Variants in ADARB2 observed in about 807,000 individuals in gnomAD.
ADARB2 encodes inactive double-stranded RNA-specific editase B2.
In ADARB2, 25 loss-of-function variants were observed where a neutral mutation model predicts 62.2. The ratio of observed to expected loss-of-function variants is 0.40; its 90% CI spans 0.29 to 0.56. The LOEUF (loss-of-function observed/expected upper bound fraction) is 0.56. Among genes scored for constraint, ADARB2 ranks in the 20% least tolerant of loss-of-function variants. The probability of loss-of-function intolerance (pLI) is 0.43; values close to 1 mark genes in which losing one functional copy is unlikely to be tolerated. For missense variants in ADARB2, 1,071 were observed against 1,077.4 expected, an observed-to-expected ratio of 0.99 and a Z score of 0.08; for synonymous variants, 572 against 500.8, an observed-to-expected ratio of 1.14 and a Z score of -1.90.
At chr10:1,209,528 T>C (rs1428960138) in intron 7 of ADARB2, among the ~76,000 whole-genome samples, 2 of 101,376 alleles carry the variant, frequency 2.0e-5, no homozygotes, top group South Asian at 7.8e-4. Flanking sequence ...TGCCCACACC[T>C]ACAGCCTCGC....
At chr10:1,212,958 C>G (rs1256989562) in intron 7 of ADARB2, among the ~76,000 whole-genome samples, 1 of 152,244 alleles carries the variant, frequency 6.6e-6, no homozygotes, top group Admixed American at 6.5e-5. Flanking sequence ...GTACCTGGAA[C>G]TGAACCCCTG....
intron 5 of ADARB2, among the ~76,000 whole-genome samples, chr10:1,234,963 T>A (rs1174021237): frequency 6.6e-6 from 1 of 152,084 alleles, no homozygotes; most frequent in Non-Finnish European, 1.5e-5. Context: ...GCCAGGCTGG[T>A]TTTGAACTCC....
At chr10:1,279,892 C>T (rs1428830007) in intron 3 of ADARB2, among the ~76,000 whole-genome samples, 2 of 152,186 alleles carry the variant, frequency 1.3e-5, no homozygotes, top group East Asian at 3.9e-4. Context: ...CGAGTCCCAC[C>T]CATTCCTGAT....
At chr10:1,670,193 A>T (rs2119100203) in intron 1 of ADARB2, among the ~76,000 whole-genome samples, 1 of 152,372 alleles carries the variant, frequency 6.6e-6, no homozygotes, top group East Asian at 1.9e-4. Flanking sequence ...TCCTTCTGTT[A>T]GCAGCCAATA....
At chr10:1,591,499 C>G in intron 1 of ADARB2, among the ~76,000 whole-genome samples, 1 of 152,150 alleles carries the variant, frequency 6.6e-6, no homozygotes, top group East Asian at 1.9e-4. Flanking sequence ...CATGGGAGCC[C>G]CTGAGTTCAT....
chr10:1,292,185 A>G (rs1274185591), intron 3 of ADARB2: 1 of 152,340 alleles, frequency 6.6e-6, no homozygotes, highest in Non-Finnish European at 1.5e-5. Context: ...GCTGGTCTCG[A>G]ACTCCTTGGC....
intron 1 of ADARB2, among the ~76,000 whole-genome samples, chr10:1,396,940 G>T (rs1193623429): frequency 4.6e-5 from 5 of 108,806 alleles, no homozygotes; most frequent in South Asian, 3.4e-4. Context: ...GTCACCGTCC[G>T]TCTCTCCCCT....
chr10:1,316,984 C>G (rs773471434), intron 3 of ADARB2, among the ~76,000 whole-genome samples: 1 of 152,230 alleles, frequency 6.6e-6, no homozygotes, highest in African/African-American at 2.4e-5. Flanking sequence ...AAGCCCCGGT[C>G]TAAGATCTGG....
At chr10:1,525,148 G>A (rs1054169799) in intron 1 of ADARB2, among the ~76,000 whole-genome samples, 7 of 152,044 alleles carry the variant, frequency 4.6e-5, no homozygotes, top group Non-Finnish European at 7.4e-5. Flanking sequence ...ACTAATAGCT[G>A]TAAAAAAAGG....
At chr10:1,598,057 G>C (rs1833356438) in intron 1 of ADARB2, among the ~76,000 whole-genome samples, 1 of 152,214 alleles carries the variant, frequency 6.6e-6, no homozygotes, top group Admixed American at 6.5e-5. Flanking sequence ...TTGTAAGTAA[G>C]AGCTAAACAG....
chr10:1,319,376 G>C (rs762086525), intron 3 of ADARB2, among the ~76,000 whole-genome samples: 2 of 152,160 alleles, frequency 1.3e-5, no homozygotes, highest in African/African-American at 2.4e-5. Context: ...GGGGTGGGTG[G>C]AGAAGATCTT....
intron 1 of ADARB2, among the ~76,000 whole-genome samples, chr10:1,718,539 G>C (rs1420904176): frequency 6.6e-6 from 1 of 152,222 alleles, no homozygotes; most frequent in Non-Finnish European, 1.5e-5. Context: ...TGCAAATGCT[G>C]GGCTGTCCTG....
chr10:1,569,091 A>G (rs960608699), intron 1 of ADARB2, among the ~76,000 whole-genome samples: 4 of 151,896 alleles, frequency 2.6e-5, no homozygotes, highest in South Asian at 4.2e-4. Flanking sequence ...ACAGAGACAG[A>G]CAGAGAGAGA....
chr10:1,337,088 G>GTGTGTA (rs1312432410), intron 3 of ADARB2, among the ~76,000 whole-genome samples: 2 of 151,790 alleles, frequency 1.3e-5, no homozygotes, highest in African/African-American at 4.8e-5. Context: ...GTGTGTGTGT[G>GTGTGTA]TGTGTTTTAG....
At chr10:1,269,694 A>T (rs1028532576) in intron 4 of ADARB2, among the ~76,000 whole-genome samples, 3 of 152,034 alleles carry the variant, frequency 2.0e-5, no homozygotes, top group Admixed American at 2.0e-4. Flanking sequence ...CCTCAGTGAG[A>T]CTGCTGTACC....
chr10:1,502,849 T>C (rs1831783341), intron 1 of ADARB2, among the ~76,000 whole-genome samples: 1 of 152,260 alleles, frequency 6.6e-6, no homozygotes, highest in Admixed American at 6.5e-5. Flanking sequence ...GAAAGAATTA[T>C]TTTTCAATAA....
intron 1 of ADARB2, among the ~76,000 whole-genome samples, chr10:1,479,644 A>G (rs1831443271): frequency 6.6e-6 from 1 of 152,178 alleles, no homozygotes; most frequent in Non-Finnish European, 1.5e-5. Flanking sequence ...GGGAGGGGAG[A>G]GGCTGAAGAG....
intron 1 of ADARB2, among the ~76,000 whole-genome samples, chr10:1,425,178 C>A (rs983025628): frequency 2.0e-5 from 3 of 152,150 alleles, no homozygotes; most frequent in Admixed American, 2.0e-4. Context: ...AAGCATTATC[C>A]TGTAATTGGA....
chr10:1,637,743 C>G (rs905484607), intron 1 of ADARB2, among the ~76,000 whole-genome samples: 2 of 152,160 alleles, frequency 1.3e-5, no homozygotes, highest in African/African-American at 4.8e-5. Flanking sequence ...ATTAATCGCT[C>G]GCAATAATTT....
Sources: gnomAD v4.1 joint callset for allele counts (sites outside exome capture counted in the v4.1 genomes callset) on GRCh38, gnomAD v4.1.1 for gene constraint, MANE v1.5 for transcripts, NCBI Gene and HGNC (gene_info 2026-07-23, HGNC 2026-07-21) for gene names.